Variants in PLD4 observed in about 807,000 individuals in gnomAD.
The protein encoded by PLD4 is phospholipase D family member 4.
Under a neutral mutation model 52.3 loss-of-function variants are expected in PLD4, and 54 were observed. The observed-to-expected ratio is 1.03, with a 90% CI of 0.83 to 1.30. The LOEUF (loss-of-function observed/expected upper bound fraction) is 1.30, where lower values mean the gene tolerates loss of function less well. Among genes scored for constraint, PLD4 ranks in the 50% most tolerant of loss-of-function variants. PLD4 has a pLI of 0.00. For synonymous variants in PLD4, 264 were observed against 286.5 expected, an observed-to-expected ratio of 0.92 and a Z score of 0.79; for missense variants, 731 against 671.1, an observed-to-expected ratio of 1.09 and a Z score of -0.99.
chr14:104,935,777 C>G (rs1471935229), downstream of PLD4: 1 of 152,164 alleles, frequency 6.6e-6, no homozygotes, highest in East Asian at 1.9e-4. Flanking sequence ...GCCTCCAGCC[C>G]CCAACTAGCA....
At position 104,927,867 on chromosome 14, in the gene PLD4, G is replaced by A. The variant is rs1177366956; in HGVS notation, c.284+1G>A. ...CCAGGCAGCAGAGGGACTCCTGCCA[G>A]TAAGTGAGCCCATGGAGGCCTGCGG... On this transcript the variant is annotated splice_donor_variant, in intron 3 of 10. Transcript: ENST00000392593. LOFTEE classifies it high-confidence loss of function. 15 of 1,567,076 alleles carry A rather than the reference G, an allele frequency of 9.6e-6. No individual in the cohort carries two copies. The highest frequency in any genetic ancestry group is 2.3e-5 in the South Asian group (2 of 87,656).
intron 5 of PLD4, 33 bp from the exon 6 acceptor site, chr14:104,929,945 C>T (rs747447906): frequency 2.5e-6 from 4 of 1,611,814 alleles, no homozygotes. Flanking sequence ...TTAGCAAGAC[C>T]TAGTTCATCC....
At position 104,930,087 on chromosome 14, in the gene PLD4, C is replaced by A. The variant is rs757728077; in HGVS notation, c.699C>A (p.Asp233Glu). 2 of 1,613,422 alleles carry A rather than the reference C, an allele frequency of 1.2e-6. No individual in the cohort carries two copies. Among genetic ancestry groups the A allele is most frequent in the East Asian group, 4.5e-5 (2 of 44,886 alleles). ...RHIYMGSANM[D>E]WRSLTQVKEL... The stretch of plus-strand genomic sequence containing the variant: ...TATACATGGGCAGTGCCAACATGGA[C>A]TGGCGGTCTCTGACGCAGGTGAGTG... Residue 233 changes from aspartate (D) to glutamate (E), a missense_variant, in exon 6 of 11, where the codon GAC becomes GAA. Physicochemically the swap from Asp to Glu is conservative, Grantham distance 45 (BLOSUM62 2). Transcript: ENST00000392593.
At chr14:104,929,521 G>C in intron 5 of PLD4, 94 bp downstream of exon 5, 1 of 1,457,800 alleles carries the variant, frequency 6.9e-7, no homozygotes, top group Non-Finnish European at 9.1e-7. Flanking sequence ...AGTGAGGGTG[G>C]GAAAGGTGCC....
intron 5 of PLD4, 78 bp downstream of exon 5, chr14:104,929,505 A>G: frequency 6.8e-7 from 1 of 1,470,264 alleles, no homozygotes; most frequent in South Asian, 1.4e-5. Context: ...CAGGACAAGG[A>G]AAAGAAGTGA....
chr14:104,931,091 C>G, intron 7 of PLD4, 149 bp downstream of exon 7: 1 of 862,052 alleles, frequency 1.2e-6, no homozygotes, highest in Non-Finnish European at 1.8e-6. Flanking sequence ...GGCTGTGGCC[C>G]TGGGGTGAGC....
rs138772119 is a variant in PLD4, at chr14:104,931,777, C to T, written c.948C>T (p.Gly316=). 3.5e-5 allele frequency: 56 copies of T among 1,589,744 alleles called. No homozygotes were observed. Among genetic ancestry groups the T allele is most frequent in the Non-Finnish European group, 4.3e-6 (5 of 1,168,560 alleles). ...CGCCACCAGCACTCTGTCCCCAGGGCCGCACCCGGGACCTGGAGGCGCTGC... is the reference window on the plus strand; with the variant it reads ...CGCCACCAGCACTCTGTCCCCAGGGTCGCACCCGGGACCTGGAGGCGCTGC... ...SASPPALCPQ[G]RTRDLEALLA... is the part of the protein sequence containing the mutation. Residue 316 remains glycine (G), a synonymous_variant, in exon 8 of 11, where the codon GGC becomes GGT. Transcript: ENST00000392593.
At position 104,931,884 on chromosome 14, in the gene PLD4, C is replaced by T. The variant is rs764974688; in HGVS notation, c.1055C>T (p.Pro352Leu). Residue 352 changes from proline to leucine, a missense_variant, in exon 8 of 11, where the codon CCG (proline) becomes CTG (leucine). By Grantham distance (98) the Pro-to-Leu change is moderately conservative (BLOSUM62 -3). Coordinates refer to ENST00000392593, the MANE Select transcript of PLD4 (RefSeq NM_138790.5). ...YFPTTRFSHPPRYWPVLDNAL... is the reference protein window; with the variant it reads ...YFPTTRFSHPLRYWPVLDNAL... ...CCCACCACGCGCTTCAGCCACCCCCCGAGGTAGGTCTGAGTGGGAGGTGGG... is the reference window on the plus strand; with the variant it reads ...CCCACCACGCGCTTCAGCCACCCCCTGAGGTAGGTCTGAGTGGGAGGTGGG... 9.2e-5 allele frequency: 142 copies of T among 1,537,784 alleles called. No individual in the cohort carries two copies. Among genetic ancestry groups the T allele is most frequent in the Non-Finnish European group, 1.2e-4 (132 of 1,138,852 alleles).
chr14:104,927,107 G>A, intron 1 of PLD4, 34 bp from the exon 2 acceptor site: 5 of 1,519,404 alleles, frequency 3.3e-6, no homozygotes, highest in Non-Finnish European at 4.4e-6. Context: ...GGGCAGAGCT[G>A]GAGCTGCTGG....
Position 104,927,151 on chromosome 14 carries a change from C to A in PLD4, c.11C>A (p.Pro4His). Residue 4 changes from proline to histidine, a missense_variant, in exon 2 of 11, where the codon CCT becomes CAT. Pro to His is a moderately conservative substitution (Grantham distance 77). Transcript: ENST00000392593. MLKPLWKAAVAPTW... is the reference protein window; with the variant it reads MLKHLWKAAVAPTW... ...GGCTGCCCTGTGCAGATGCTGAAGCCTCTTTGGAAAGCAGCAGTGGCCCCC... is the reference window on the plus strand; with the variant it reads ...GGCTGCCCTGTGCAGATGCTGAAGCATCTTTGGAAAGCAGCAGTGGCCCCC... The A allele has an allele frequency of 6.4e-7, 1 of 1,557,622 alleles. No homozygotes were observed.
In PLD4 at chr14:104,930,867, C is replaced by T; in HGVS notation, c.843C>T (p.Asn281=). The change falls in exon 7 of 11, where the codon AAC becomes AAT. Residue 281 remains asparagine, a synonymous_variant. Transcript: ENST00000392593. The stretch of plus-strand genomic sequence containing the variant: ...TCCTCCCCAAAACCTGGCCTCAGAA[C>T]TTCTCATCTCACTTCAACCGTTTCC... ...KAVLPKTWPQ[N]FSSHFNRFQP... 6.2e-7 allele frequency: 1 copy of T among 1,613,584 alleles called. No homozygotes were observed. The highest frequency in any genetic ancestry group is 8.5e-7 in the Non-Finnish European group (1 of 1,180,022).
Position 104,930,750 on chromosome 14 carries a change from G to T in PLD4, c.726G>T (p.Glu242Asp). 1 of 1,613,220 alleles carries T rather than the reference G, an allele frequency of 6.2e-7. No homozygotes were observed. Among genetic ancestry groups the T allele is most frequent in the Non-Finnish European group, 8.5e-7 (1 of 1,180,012 alleles). Residue 242 changes from glutamate to aspartate, a missense_variant, in exon 7 of 11, where the codon GAG (glutamate) becomes GAT (aspartate). By Grantham distance (45) the Glu-to-Asp change is conservative. Transcript: ENST00000392593. ...GACTTTGGTCCCTGCAGGTGAAGGA[G>T]CTTGGCGCTGTCATCTATAACTGCA... ...MDWRSLTQVK[E>D]LGAVIYNCSH...
Position 104,931,831 on chromosome 14 carries a change from C to A in PLD4, c.1002C>A (p.Phe334Leu). The A allele has an allele frequency of 1.3e-6, 2 of 1,569,166 alleles. No individual in the cohort carries two copies. The highest frequency in any genetic ancestry group is 1.7e-6 in the Non-Finnish European group (2 of 1,156,074). The change falls in exon 8 of 11, where the codon TTC becomes TTA. Residue 334 changes from phenylalanine to leucine, a missense_variant. Physicochemically the swap from Phe to Leu is conservative, Grantham distance 22. Coordinates refer to ENST00000392593, the MANE Select transcript of PLD4 (RefSeq NM_138790.5). ...LLAVMGSAQEFIYASVMEYFP... is the reference protein window; with the variant it reads ...LLAVMGSAQELIYASVMEYFP... Reference sequence around the variant, plus strand: ...CGGTGATGGGGAGCGCCCAGGAGTTCATCTATGCCTCCGTGATGGAGTATT... The same window carrying A: ...CGGTGATGGGGAGCGCCCAGGAGTTAATCTATGCCTCCGTGATGGAGTATT...
At chr14:104,936,910 A>T (rs1221578257), downstream of PLD4, 1 of 152,164 alleles carries the variant, frequency 6.6e-6, no homozygotes, top group African/African-American at 2.4e-5. Context: ...GTGGTGAAGG[A>T]AGCTTCTGAG....
chr14:104,930,071 G>A lies in PLD4; in HGVS notation c.683G>A (p.Gly228Asp). 6 of 1,613,604 alleles carry A rather than the reference G, an allele frequency of 3.7e-6. No homozygotes were observed. The highest frequency in any genetic ancestry group is 5.1e-6 in the Non-Finnish European group (6 of 1,179,988). ...WVVDGRHIYM[G>D]SANMDWRSLT... ...GTGGATGGACGGCACATATACATGG[G>A]CAGTGCCAACATGGACTGGCGGTCT... is the stretch of plus-strand genomic sequence containing the variant. Residue 228 changes from glycine to aspartate, a missense_variant, in exon 6 of 11, where the codon GGC (glycine) becomes GAC (aspartate). Coordinates refer to ENST00000392593, the MANE Select transcript of PLD4 (RefSeq NM_138790.5).
At chr14:104,926,989 T>A (rs1897476215) in intron 1 of PLD4, 152 bp from the exon 2 acceptor site, 2 of 600,790 alleles carry the variant, frequency 3.3e-6, no homozygotes, top group South Asian at 4.2e-5. Context: ...ACCCCCAACA[T>A]CCAGGGCGTG....
chr14:104,932,175 G>T lies in PLD4; in HGVS notation c.1222G>T (p.Val408Leu). ...CCCCGCGGCCAACGTCTCTGTGGAC[G>T]TGGTGAGGGCGTGCTCCCGGCCGGG... is the stretch of plus-strand genomic sequence containing the variant. ...SNPAANVSVD[V>L]KVFIVPVGNH... is the part of the protein sequence containing the mutation. The change falls in exon 9 of 11, where the codon GTG becomes TTG. Residue 408 changes from valine (V) to leucine (L), a missense_variant and splice_region_variant. Val to Leu is a conservative substitution (Grantham distance 32). Coordinates refer to ENST00000392593, the MANE Select transcript of PLD4 (RefSeq NM_138790.5). This position sits in a 1 kb window ranked among gnomAD's most constrained non-coding sequence, Gnocchi z 6.5. 4 of 1,611,450 alleles carry T rather than the reference G, an allele frequency of 2.5e-6. No homozygotes were observed. The highest frequency in any genetic ancestry group is 3.4e-6 in the Non-Finnish European group (4 of 1,179,184).
intron 1 of PLD4, among the ~76,000 whole-genome samples, chr14:104,925,615 C>T (rs1897428209): frequency 6.6e-6 from 1 of 152,136 alleles, no homozygotes; most frequent in African/African-American, 2.4e-5. Context: ...AGCCACAGCC[C>T]AGGATTCCAT....
At position 104,932,876 on chromosome 14, in the gene PLD4, G is replaced by A. The variant is rs748318332; in HGVS notation, c.1433G>A (p.Arg478Gln). 32 of 1,604,390 alleles carry A rather than the reference G, an allele frequency of 2.0e-5. No homozygotes were observed. The highest frequency in any genetic ancestry group is 2.6e-5 in the Non-Finnish European group (30 of 1,176,338). ...PAGATVQEQL[R>Q]QLFERDWSSR... ...GGGGCCACGGTGCAGGAGCAGCTGC[G>A]GCAGCTCTTTGAGCGGGACTGGAGT... Residue 478 changes from arginine to glutamine, a missense_variant, in exon 11 of 11, where the codon CGG (arginine) becomes CAG (glutamine). By Grantham distance (43) the Arg-to-Gln change is conservative. Transcript: ENST00000392593. The surrounding 1 kb of genome is among the most constrained non-coding windows in gnomAD (Gnocchi z 6.5).
Sources: gnomAD v4.1 joint callset for allele counts (sites outside exome capture counted in the v4.1 genomes callset) on GRCh38, gnomAD v4.1.1 for gene constraint, Gnocchi (gnomAD v3.1) non-coding constraint, MANE v1.5 for transcripts, NCBI Gene and HGNC (gene_info 2026-07-23, HGNC 2026-07-21) for gene names.